The following B4GALNT3 variants were observed in gnomAD, a reference collection of about 807,000 sequenced individuals.
B4GALNT3 encodes the protein beta-1,4-N-acetylgalactosaminyltransferase 3.
B4GALNT3 carries 86 observed loss-of-function variants against 120.2 expected under a neutral mutation model. The ratio of observed to expected loss-of-function variants is 0.72; its 90% CI spans 0.60 to 0.86. The LOEUF (loss-of-function observed/expected upper bound fraction) is 0.86. Ranked by LOEUF, B4GALNT3 falls within the 40% of genes least tolerant of loss-of-function variation. The probability of loss-of-function intolerance (pLI) is 0.00; values close to 1 mark genes in which losing one functional copy is unlikely to be tolerated. For missense variants in B4GALNT3, 1,167 were observed against 1,298.9 expected, an observed-to-expected ratio of 0.90 and a Z score of 1.56; for synonymous variants, 518 against 510.4, an observed-to-expected ratio of 1.01 and a Z score of -0.20.
At chr12:522,993 G>A (rs569971938) in intron 1 of B4GALNT3, among the ~76,000 whole-genome samples, 2 of 147,772 alleles carry the variant, frequency 1.4e-5, no homozygotes, top group South Asian at 2.2e-4. Flanking sequence ...TATGTTATAG[G>A]TATTTTACTA....
chr12:488,428 CA>C (rs1402191696), intron 1 of B4GALNT3, among the ~76,000 whole-genome samples: 1 of 152,008 alleles, frequency 6.6e-6, no homozygotes, highest in East Asian at 1.9e-4. Flanking sequence ...TAGGTTTATT[CA>C]AAATTATAAC....
chr12:464,064 C>A (rs1946052512), intron 1 of B4GALNT3, among the ~76,000 whole-genome samples: 1 of 152,190 alleles, frequency 6.6e-6, no homozygotes, highest in South Asian at 2.1e-4. Context: ...AACATTAACT[C>A]TTTAGCTGCT....
In B4GALNT3 at chr12:561,800, G is replaced by A. The variant is rs1033061936; in HGVS notation, c.*349G>A. 5.9e-5 allele frequency: 13 copies of A among 220,090 alleles called. No individual in the cohort carries two copies. Among genetic ancestry groups the A allele is most frequent in the Admixed American group, 1.7e-4 (3 of 17,358 alleles). 13.6% of individuals were successfully genotyped at this position (220,090 alleles called of 1,614,324 possible). On this transcript the variant is annotated 3_prime_UTR_variant, in exon 20 of 20. Coordinates refer to ENST00000266383, the MANE Select transcript of B4GALNT3 (RefSeq NM_173593.4). ...AGGTGCACGCCCACATCCCCCAAGCGCTCCTCACGCCAAGCGCTGACCACC... is the reference window on the plus strand; with the variant it reads ...AGGTGCACGCCCACATCCCCCAAGCACTCCTCACGCCAAGCGCTGACCACC...
rs1037346159 is a variant in B4GALNT3, at chr12:561,522, G to C, written c.*71G>C. ...AGTGGCTCCCCAGGGCCCTGCTACT[G>C]TTCAGGGATGGGGAGTGGGGTGACG... is the stretch of plus-strand genomic sequence containing the variant. On this transcript the variant is annotated 3_prime_UTR_variant, in exon 20 of 20. Coordinates refer to ENST00000266383, the MANE Select transcript of B4GALNT3 (RefSeq NM_173593.4). 2 of 1,249,592 alleles carry C rather than the reference G, an allele frequency of 1.6e-6. No homozygotes were observed. Among genetic ancestry groups the C allele is most frequent in the Non-Finnish European group, 2.3e-6 (2 of 881,928 alleles). The allele number at this position is 1,249,592 out of a possible 1,614,324, so 77.4% of individuals were successfully genotyped here. A position where few individuals can be genotyped will look rare whatever the true frequency, so the allele number is the denominator to read the frequency against.
At chr12:533,933 C>T (rs991670559) in intron 1 of B4GALNT3, among the ~76,000 whole-genome samples, 1 of 152,192 alleles carries the variant, frequency 6.6e-6, no homozygotes, top group South Asian at 2.1e-4. Flanking sequence ...GGGTGGTGCT[C>T]TGTGTTCTGT....
chr12:462,402 C>T (rs1946030417), intron 1 of B4GALNT3, among the ~76,000 whole-genome samples: 1 of 149,422 alleles, frequency 6.7e-6, no homozygotes, highest in Non-Finnish European at 1.5e-5. Context: ...TCTAGTTTGC[C>T]ACAGTCATAA....
intron 1 of B4GALNT3, among the ~76,000 whole-genome samples, chr12:464,861 G>A (rs1465646562): frequency 1.3e-5 from 2 of 152,170 alleles, no homozygotes; most frequent in South Asian, 2.1e-4. Context: ...GTGACTTCTG[G>A]CTGACTCGAG....
intron 9 of B4GALNT3, among the ~76,000 whole-genome samples, chr12:549,048 T>C (rs1947043587): frequency 1.3e-5 from 2 of 152,222 alleles, no homozygotes; most frequent in African/African-American, 4.8e-5. Flanking sequence ...AAGCGACCTC[T>C]TTCTTCAATG....
At chr12:554,604 C>A (rs188271977) in intron 14 of B4GALNT3, among the ~76,000 whole-genome samples, 4 of 19,370 alleles carry the variant, frequency 2.1e-4, no homozygotes, top group South Asian at 6.3e-3. Flanking sequence ...TCCTGGCTAA[C>A]ACGGTGAAAC....
At chr12:534,005 G>A (rs994168870) in intron 1 of B4GALNT3, among the ~76,000 whole-genome samples, 3 of 152,198 alleles carry the variant, frequency 2.0e-5, no homozygotes, top group Non-Finnish European at 2.9e-5. Flanking sequence ...TGACACTTCT[G>A]CCTACTGTCG....
intron 1 of B4GALNT3, among the ~76,000 whole-genome samples, chr12:514,686 G>A (rs564675264): frequency 6.6e-6 from 1 of 152,158 alleles, no homozygotes; most frequent in African/African-American, 2.4e-5. Context: ...AACAAAAAAG[G>A]GTCCATGTAT....
intron 3 of B4GALNT3, among the ~76,000 whole-genome samples, chr12:542,289 G>A (rs545057929): frequency 2.0e-5 from 3 of 152,038 alleles, no homozygotes; most frequent in South Asian, 2.1e-4. Context: ...CAGAGGCTGC[G>A]CCCACCCCAC....
At chr12:560,951 C>A (rs764085209) in intron 19 of B4GALNT3, among the ~76,000 whole-genome samples, 7 of 152,204 alleles carry the variant, frequency 4.6e-5, no homozygotes, top group Non-Finnish European at 8.8e-5. Context: ...GGAGGCTGGG[C>A]GCCAGTTATG....
At chr12:492,158 A>T (rs1946347830) in intron 1 of B4GALNT3, among the ~76,000 whole-genome samples, 1 of 152,162 alleles carries the variant, frequency 6.6e-6, no homozygotes, top group Non-Finnish European at 1.5e-5. Context: ...AAGGAAAAAA[A>T]GGTATACAGG....
At chr12:545,611 C>A (rs1946983999) in intron 6 of B4GALNT3, 142 bp downstream of exon 6, 2 of 803,350 alleles carry the variant, frequency 2.5e-6, no homozygotes, top group Non-Finnish European at 1.9e-6. Context: ...TCCCTCACCC[C>A]TACCCCTCTA....
chr12:474,241 G>C (rs1472592691), intron 1 of B4GALNT3, among the ~76,000 whole-genome samples: 1 of 152,188 alleles, frequency 6.6e-6, no homozygotes, highest in Non-Finnish European at 1.5e-5. Flanking sequence ...GGCAGAAAAT[G>C]ATCGTGGCTT....
chr12:545,544 T>A (rs1946982900), intron 6 of B4GALNT3, 75 bp downstream of exon 6: 1 of 1,380,968 alleles, frequency 7.2e-7, no homozygotes, highest in Admixed American at 2.0e-5. Context: ...CAGCTGCTCA[T>A]TACTGTTAGC....
intron 1 of B4GALNT3, among the ~76,000 whole-genome samples, chr12:505,287 T>C (rs1467102961): frequency 1.3e-5 from 2 of 152,178 alleles, no homozygotes; most frequent in Non-Finnish European, 2.9e-5. Context: ...GGCTTCCCTC[T>C]CCTCCTAGAA....
At chr12:480,504 C>CATTACGGAAGCCT (rs377080850) in intron 1 of B4GALNT3, among the ~76,000 whole-genome samples, 1 of 151,020 alleles carries the variant, frequency 6.6e-6, no homozygotes, top group African/African-American at 2.4e-5. Context: ...GTCCCCCTGA[C>CATTACGGAAGCCT]TGACATTATT....
Sources: allele counts gnomAD v4.1 joint callset (sites outside exome capture counted in the v4.1 genomes callset), GRCh38; gene constraint gnomAD v4.1.1; transcripts MANE v1.5; gene names NCBI Gene and HGNC (gene_info 2026-07-23, HGNC 2026-07-21).